MAP3K20: variants seen among roughly 807,000 people sequenced by gnomAD.
The protein encoded by MAP3K20 is mitogen-activated protein kinase kinase kinase 20.
MAP3K20 carries 40 observed loss-of-function variants against 85.7 expected under a neutral mutation model. That is an observed-to-expected ratio of 0.47 (90% CI 0.36 to 0.61). MAP3K20 has a LOEUF of 0.61. Among genes scored for constraint, MAP3K20 ranks in the 20% least tolerant of loss-of-function variants. The pLI is 0.00. For synonymous variants in MAP3K20, 325 were observed against 327.7 expected (o/e 0.99, Z 0.09); for missense variants, 817 against 961.7 (o/e 0.85, Z 1.99).
At chr2:173,214,803 G>C (rs117983196) in intron 10 of MAP3K20, among the ~76,000 whole-genome samples, 1 of 152,236 alleles carries the variant, frequency 6.6e-6, no homozygotes, top group East Asian at 1.9e-4. Context: ...AGAACAAGAA[G>C]TTTATATAAA....
At chr2:173,092,694 G>A (rs1370199425) in intron 2 of MAP3K20, among the ~76,000 whole-genome samples, 1 of 152,158 alleles carries the variant, frequency 6.6e-6, no homozygotes, top group Non-Finnish European at 1.5e-5. Context: ...AAAGGAACAT[G>A]TTCTTATATG....
chr2:173,081,312 C>G (rs766246191), intron 1 of MAP3K20, among the ~76,000 whole-genome samples: 1 of 151,640 alleles, frequency 6.6e-6, no homozygotes, highest in Non-Finnish European at 1.5e-5. Flanking sequence ...AGGGTATGTG[C>G]TACCTTGCCT....
intron 16 of MAP3K20, among the ~76,000 whole-genome samples, chr2:173,249,202 T>C (rs1280285375): frequency 6.6e-6 from 1 of 152,218 alleles, no homozygotes; most frequent in Non-Finnish European, 1.5e-5. Flanking sequence ...CAGTTGTCTA[T>C]AGGAGAGAGA....
chr2:173,114,641 G>A (rs1382744456), intron 2 of MAP3K20, among the ~76,000 whole-genome samples: 1 of 152,128 alleles, frequency 6.6e-6, no homozygotes, highest in African/African-American at 2.4e-5. Context: ...TGAAAAAGAT[G>A]TATCTTTCCT....
chr2:173,222,535 G>T lies in MAP3K20; in HGVS notation c.987+5285G>T, dbSNP rs11890969. ...GGTGGTCTTAAGGGGATGCTTCCAG[G>T]GGGGTGAGTTCATGCCTCTCCTGTA... On this transcript the variant is annotated intron_variant, in intron 11 of 19. Coordinates refer to ENST00000375213, the MANE Select transcript of MAP3K20 (RefSeq NM_016653.3). 9.1e-6 allele frequency: 9 copies of T among 985,644 alleles called. 1 individual carries two copies. Among genetic ancestry groups the T allele is most frequent in the Middle Eastern group, 5.2e-4 (1 of 1,936 alleles). 61.1% of individuals were successfully genotyped at this position (985,644 alleles called of 1,614,324 possible). A position where few individuals can be genotyped will look rare whatever the true frequency, so the allele number is the denominator to read the frequency against.
In MAP3K20 at chr2:173,217,143, C is replaced by A; in HGVS notation, c.880C>A (p.Leu294Ile). Residue 294 changes from leucine to isoleucine, a missense_variant, in exon 11 of 20, where the codon CTA (leucine) becomes ATA (isoleucine). By Grantham distance (5) the Leu-to-Ile change is conservative. Transcript: ENST00000375213. ...CGAAATTGAGGCAACTCTTGAGAGG[C>A]TAAAGAAACTAGAGCGTGATCTCAG... ...RCEIEATLER[L>I]KKLERDLSFK... 1 of 1,587,926 alleles carries A rather than the reference C, an allele frequency of 6.3e-7. No homozygotes were observed. The highest frequency in any genetic ancestry group is 8.6e-7 in the Non-Finnish European group (1 of 1,166,684).
intron 2 of MAP3K20, among the ~76,000 whole-genome samples, chr2:173,099,326 T>C (rs996887529): frequency 5.9e-5 from 7 of 118,970 alleles, no homozygotes; most frequent in African/African-American, 2.4e-4. Flanking sequence ...GTGTTTTGTG[T>C]TTTGTTTTGT....
chr2:173,081,075 T>TA (rs1272812288), intron 1 of MAP3K20, among the ~76,000 whole-genome samples: 1 of 152,226 alleles, frequency 6.6e-6, no homozygotes, highest in Admixed American at 6.5e-5. Flanking sequence ...GTACTTGCTT[T>TA]AAAATTTTAT....
intron 10 of MAP3K20, among the ~76,000 whole-genome samples, chr2:173,213,956 C>G (rs896508707): frequency 2.0e-5 from 3 of 152,120 alleles, no homozygotes; most frequent in Non-Finnish European, 4.4e-5. Context: ...TATCTAGTGT[C>G]TGAAACCACA....
intron 11 of MAP3K20, chr2:173,223,635 A>G (rs1684310281): frequency 1.0e-6 from 1 of 985,274 alleles, no homozygotes; most frequent in South Asian, 4.7e-5. Context: ...CTCTTTGAAA[A>G]CTATGAGCCC....
intron 16 of MAP3K20, among the ~76,000 whole-genome samples, chr2:173,244,737 C>G (rs1684875462): frequency 6.6e-6 from 1 of 152,180 alleles, no homozygotes; most frequent in African/African-American, 2.4e-5. Context: ...GAAATATTTT[C>G]TGATTAATGT....
chr2:173,248,681 T>C (rs1347905615), intron 16 of MAP3K20, among the ~76,000 whole-genome samples: 1 of 152,126 alleles, frequency 6.6e-6, no homozygotes, highest in Non-Finnish European at 1.5e-5. Flanking sequence ...AAGCCCTGGT[T>C]TGTAGCATGT....
intron 14 of MAP3K20, among the ~76,000 whole-genome samples, chr2:173,234,203 C>G (rs78307774): frequency 0.011 from 1,640 of 152,278 alleles, 38 homozygotes; most frequent in African/African-American, 0.037. Context: ...AGGATCAGTT[C>G]GGAGGAAGGG....
chr2:173,169,822 C>T lies in MAP3K20; in HGVS notation c.177C>T (p.Val59=), dbSNP rs1689948125. The part of the protein sequence containing the change: ...KIEKEAEILS[V]LSHRNIIQFY... ...TTGTACAGGCAGAAATACTCAGTGT[C>T]CTCAGTCACAGAAACATCATCCAGT... Residue 59 remains valine, a synonymous_variant, in exon 3 of 20, where the codon GTC becomes GTT. Transcript: ENST00000375213. The T allele has an allele frequency of 5.0e-6, 8 of 1,613,608 alleles. No homozygotes were observed. The South Asian group carries it at 6.6e-5, about 13-fold the overall frequency.
intron 2 of MAP3K20, among the ~76,000 whole-genome samples, chr2:173,122,595 G>A (rs920922318): frequency 1.3e-5 from 2 of 152,084 alleles, no homozygotes; most frequent in Non-Finnish European, 2.9e-5. Context: ...ACTGTTCTAG[G>A]CCTAGAACTG....
chr2:173,194,385 G>GA (rs1418608235), intron 7 of MAP3K20, among the ~76,000 whole-genome samples: 3 of 152,156 alleles, frequency 2.0e-5, no homozygotes, highest in South Asian at 2.1e-4. Flanking sequence ...ATTAATGAGA[G>GA]AAAAAATACG....
At chr2:173,224,209 C>T (rs925480038) in intron 11 of MAP3K20, 28 of 971,652 alleles carry the variant, frequency 2.9e-5, no homozygotes, top group Non-Finnish European at 3.4e-5. Context: ...CAGGAAAGGC[C>T]CCACTGATAA....
intron 5 of MAP3K20, among the ~76,000 whole-genome samples, chr2:173,188,190 C>T (rs76069655): frequency 0.013 from 1,936 of 152,196 alleles, 23 homozygotes; most frequent in Middle Eastern, 0.024. Flanking sequence ...CTTTCTAAAG[C>T]TTATTTATGG....
At chr2:173,254,072 G>GAAAA (rs10659041) in intron 16 of MAP3K20, among the ~76,000 whole-genome samples, 33 of 134,462 alleles carry the variant, frequency 2.5e-4, no homozygotes, top group African/African-American at 6.6e-4. Context: ...ACCTGTGTCA[G>GAAAA]AAAAAAAAAA....
Sources: gnomAD v4.1 joint callset for allele counts (sites outside exome capture counted in the v4.1 genomes callset) on GRCh38, gnomAD v4.1.1 for gene constraint, MANE v1.5 for transcripts, NCBI Gene and HGNC (gene_info 2026-07-23, HGNC 2026-07-21) for gene names.